SIGLECL1: variants seen among roughly 807,000 people sequenced by gnomAD.
SIGLECL1 encodes the protein SIGLEC family like 1.
A neutral mutation model predicts 19.1 loss-of-function variants in SIGLECL1; 16 were observed. The observed-to-expected ratio is 0.84, with a 90% CI of 0.57 to 1.27. The LOEUF (loss-of-function observed/expected upper bound fraction) is 1.27. SIGLECL1 is among the 50% of genes most tolerant of loss of function. The pLI is 0.00. For synonymous variants in SIGLECL1, 89 were observed against 90.4 expected, an observed-to-expected ratio of 0.98 and a Z score of 0.09; for missense variants, 210 against 239.4, an observed-to-expected ratio of 0.88 and a Z score of 0.81.
chr19:51,265,730 G>T lies in SIGLECL1; in HGVS notation c.305-47G>T, dbSNP rs780594586. On this transcript the variant is annotated intron_variant, in intron 3 of 5. Transcript: ENST00000601727. The stretch of plus-strand genomic sequence containing the variant: ...GTCACTGGGGCTAGAGAATGGAGCA[G>T]AGTTTTGGCTCCGATGCCAAACTTC... 2.5e-6 allele frequency: 4 copies of T among 1,613,502 alleles called. No individual in the cohort carries two copies. The Admixed American group carries it at 6.7e-5, about 27-fold the overall frequency.
At chr19:51,256,872 C>T (rs1259164393) in intron 1 of SIGLECL1, among the ~76,000 whole-genome samples, 1 of 151,984 alleles carries the variant, frequency 6.6e-6, no homozygotes, top group Non-Finnish European at 1.5e-5. Context: ...CTGCTCTAAC[C>T]ATAGGTAAGC....
chr19:51,265,125 A>C (rs1983542703), intron 2 of SIGLECL1, among the ~76,000 whole-genome samples: 1 of 152,188 alleles, frequency 6.6e-6, no homozygotes, highest in Non-Finnish European at 1.5e-5. Flanking sequence ...GAGGGATCAC[A>C]GACAATGTAG....
In SIGLECL1 at chr19:51,268,682, C is replaced by A. The variant is rs1599804634; in HGVS notation, c.*85C>A. On this transcript the variant is annotated 3_prime_UTR_variant, in exon 6 of 6. Transcript: ENST00000601727. ...CAAAATTTATAGCGCTCACAGAAAC[C>A]CTGGAGGCTGTAATAAACCTGGAGC... 7.1e-7 allele frequency: 1 copy of A among 1,410,546 alleles called. No individual in the cohort carries two copies. The highest frequency in any genetic ancestry group is 9.8e-7 in the Non-Finnish European group (1 of 1,020,572). 87.4% of individuals were successfully genotyped at this position (1,410,546 alleles called of 1,614,324 possible). A position where few individuals can be genotyped will look rare whatever the true frequency, so the allele number is the denominator to read the frequency against.
intron 1 of SIGLECL1, among the ~76,000 whole-genome samples, chr19:51,252,551 G>A (rs957578049): frequency 6.6e-6 from 1 of 151,922 alleles, no homozygotes; most frequent in Non-Finnish European, 1.5e-5. Flanking sequence ...GGCTCATTCC[G>A]ACCATCTAAC....
intron 1 of SIGLECL1, among the ~76,000 whole-genome samples, chr19:51,260,628 T>C (rs1449135488): frequency 1.3e-5 from 2 of 152,252 alleles, no homozygotes; most frequent in East Asian, 3.8e-4. Flanking sequence ...AGAGTATGTG[T>C]ATCTTCTGCT....
At chr19:51,251,665 G>C (rs1982490347) in intron 1 of SIGLECL1, 120 bp downstream of exon 1, 1 of 152,350 alleles carries the variant, frequency 6.6e-6, no homozygotes, top group African/African-American at 2.4e-5. Flanking sequence ...CTGTTCATTG[G>C]TTAGTTAGGC....
At chr19:51,264,262 T>G (rs1983469192) in intron 2 of SIGLECL1, among the ~76,000 whole-genome samples, 168 bp downstream of exon 2, 1 of 152,176 alleles carries the variant, frequency 6.6e-6, no homozygotes, top group Non-Finnish European at 1.5e-5. Flanking sequence ...TGTCAGATTT[T>G]GACAGGGCTG....
chr19:51,262,616 A>T (rs10412214), intron 1 of SIGLECL1, among the ~76,000 whole-genome samples: 21,658 of 152,196 alleles, frequency 0.14, 2,414 homozygotes, highest in East Asian at 0.31. Context: ...CTAGAAAAAA[A>T]GTCTAAGGAC....
At chr19:51,252,432 C>T (rs897023572) in intron 1 of SIGLECL1, among the ~76,000 whole-genome samples, 3 of 150,336 alleles carry the variant, frequency 2.0e-5, no homozygotes, top group African/African-American at 7.6e-5. Context: ...ATTACATCTC[C>T]AGCAGTAAAA....
At chr19:51,247,713 C>T (rs187464602), upstream of SIGLECL1, among the ~76,000 whole-genome samples, 6 of 152,110 alleles carry the variant, frequency 3.9e-5, no homozygotes, top group African/African-American at 1.2e-4. Context: ...CCACCGTGTC[C>T]GGCCGTTGCC....
chr19:51,254,221 C>T (rs1021263697), intron 1 of SIGLECL1, among the ~76,000 whole-genome samples: 4 of 151,596 alleles, frequency 2.6e-5, no homozygotes, highest in African/African-American at 9.7e-5. Context: ...CCCAGCTACT[C>T]GAGAGACTGA....
In SIGLECL1 at chr19:51,264,093, G is replaced by C. The variant is rs1983451061; in HGVS notation, c.21G>C (p.Leu7=). The C allele has an allele frequency of 6.2e-7, 1 of 1,613,898 alleles. No homozygotes were observed. The highest frequency in any genetic ancestry group is 1.1e-5 in the South Asian group (1 of 91,046). The change falls in exon 2 of 6, where the codon CTG becomes CTC. Residue 7 remains leucine (L), a splice_region_variant and synonymous_variant. Transcript: ENST00000601727. MLPLLQ[L]VPAKLLNSSC... is the part of the protein sequence containing the mutation. ...AAGTGATGCTTCCACTGCTACAGCT[G>C]GGTAAGTAAGGTGAGAAGCAGCACT...
intron 1 of SIGLECL1, among the ~76,000 whole-genome samples, chr19:51,256,890 T>C (rs1410830422): frequency 3.9e-5 from 6 of 152,172 alleles, no homozygotes; most frequent in Non-Finnish European, 7.4e-5. Flanking sequence ...AGCACTGGTA[T>C]CAAATTATAC....
At chr19:51,260,957 C>A (rs963615099) in intron 1 of SIGLECL1, among the ~76,000 whole-genome samples, 2 of 152,134 alleles carry the variant, frequency 1.3e-5, no homozygotes, top group African/African-American at 4.8e-5. Context: ...TTGTTGAAAT[C>A]TTTATATATT....
chr19:51,260,684 G>A lies in SIGLECL1; in HGVS notation c.-190-3199G>A, dbSNP rs146889981. ...CCTGATTTATATTTCCACCAATAGT[G>A]TGTGAAAGTTGAGTACCACATTCTC... On this transcript the variant is annotated intron_variant, in intron 1 of 5. Transcript: ENST00000601727. 1.7e-3 allele frequency among the ~76,000 whole-genome samples: 258 copies of A among 152,262 alleles called. 6 individuals are homozygous for A. The highest frequency in any genetic ancestry group is 0.015 in the Admixed American group (226 of 15,296).
chr19:51,248,137 A>C (rs1002311792), upstream of SIGLECL1, among the ~76,000 whole-genome samples: 1 of 151,662 alleles, frequency 6.6e-6, no homozygotes, highest in Non-Finnish European at 1.5e-5. Context: ...GCAGGAACTA[A>C]GGAATGGACA....
Position 51,263,987 on chromosome 19 carries a change from C to A in SIGLECL1, c.-86C>A. 16 of 1,536,810 alleles carry A rather than the reference C, an allele frequency of 1.0e-5. 1 individual carries two copies. The highest frequency in any genetic ancestry group is 1.4e-5 in the Non-Finnish European group (16 of 1,118,902). On this transcript the variant is annotated 5_prime_UTR_variant, in exon 2 of 6. Transcript: ENST00000601727. Reference sequence around the variant, plus strand: ...CCTCTTTCAGTTACGCATCACCTCACTCCTTCTGAACCATATGGTTCTGAT... The same window carrying A: ...CCTCTTTCAGTTACGCATCACCTCAATCCTTCTGAACCATATGGTTCTGAT...
chr19:51,258,153 G>C (rs1415492973), intron 1 of SIGLECL1, among the ~76,000 whole-genome samples: 1 of 152,094 alleles, frequency 6.6e-6, no homozygotes. Context: ...CAAACCTAAG[G>C]GTAGTTTTGG....
chr19:51,261,037 G>A (rs1446167471), intron 1 of SIGLECL1, among the ~76,000 whole-genome samples: 2 of 152,256 alleles, frequency 1.3e-5, no homozygotes, highest in African/African-American at 2.4e-5. Flanking sequence ...TATTGTGGAT[G>A]TCTGTTTCTC....
Sources: gnomAD v4.1 joint callset for allele counts (sites outside exome capture counted in the v4.1 genomes callset) on GRCh38, gnomAD v4.1.1 for gene constraint, MANE v1.5 for transcripts, NCBI Gene and HGNC (gene_info 2026-07-23, HGNC 2026-07-21) for gene names.